FIG4: variants seen among roughly 807,000 people sequenced by gnomAD.
FIG4 encodes the protein polyphosphoinositide phosphatase.
FIG4 carries 112 observed loss-of-function variants against 118.6 expected under a neutral mutation model. The ratio of observed to expected loss-of-function variants is 0.94; its 90% CI spans 0.81 to 1.11. FIG4 has a LOEUF of 1.11. Among genes scored for constraint, FIG4 ranks in the 50% least tolerant of loss-of-function variants. The pLI, the probability that FIG4 is intolerant of heterozygous loss-of-function variation, is 0.00. For missense variants in FIG4, 969 were observed against 1,111.7 expected (o/e 0.87, Z 1.83); for synonymous variants, 369 against 381.2 (o/e 0.97, Z 0.37).
intron 1 of FIG4, among the ~76,000 whole-genome samples, chr6:109,699,902 G>A (rs180979386): frequency 4.7e-4 from 71 of 152,266 alleles, no homozygotes; most frequent in Non-Finnish European, 8.7e-4. Flanking sequence ...CAGTTTGGAG[G>A]CTGGTAAGTC....
chr6:109,693,761 G>A (rs1196269496), intron 1 of FIG4, among the ~76,000 whole-genome samples: 1 of 152,158 alleles, frequency 6.6e-6, no homozygotes, highest in African/African-American at 2.4e-5. Context: ...TGATTTAGCT[G>A]TGGAATCAGG....
Position 109,698,153 on chromosome 6 carries a change from G to C in FIG4, c.66+6652G>C, listed in dbSNP as rs1323382592. Among the ~76,000 whole-genome samples the C allele has an allele frequency of 7.9e-5, 12 of 151,408 alleles. 1 individual carries two copies. The highest frequency in any genetic ancestry group is 1.5e-4 in the Non-Finnish European group (10 of 67,942). On this transcript the variant is annotated intron_variant, in intron 1 of 22. Transcript: ENST00000230124. ...TCCGCCCGCCTCAGCCTCCCAAAGT[G>C]CTGGGATTACAGGCTTGAGCCACCG...
intron 6 of FIG4, among the ~76,000 whole-genome samples, chr6:109,738,100 CTTT>C (rs1474239325): frequency 1.3e-5 from 2 of 152,082 alleles, no homozygotes. Flanking sequence ...ATTTCTTTGA[CTTT>C]TTACAGAATC....
chr6:109,777,103 T>G, intron 16 of FIG4, 43 bp downstream of exon 16: 3 of 1,511,632 alleles, frequency 2.0e-6, no homozygotes, highest in Non-Finnish European at 2.8e-6. Flanking sequence ...CCATTTGGTG[T>G]TATTTTGAAT....
In FIG4 at chr6:109,707,883, T is replaced by C. The variant is rs908596556; in HGVS notation, c.67-7195T>C. The stretch of plus-strand genomic sequence containing the variant: ...TTTATTTTTGCTAATGAAGTACTTA[T>C]TTTTTAGATATAATTTTAGAATAAT... On this transcript the variant is annotated intron_variant, in intron 1 of 22. Transcript: ENST00000230124. 3.9e-5 allele frequency among the ~76,000 whole-genome samples: 6 copies of C among 152,308 alleles called. 1 individual carries two copies.
At chr6:109,703,618 T>A (rs114440635) in intron 1 of FIG4, among the ~76,000 whole-genome samples, 3,182 of 152,242 alleles carry the variant, frequency 0.021, 98 homozygotes, top group African/African-American at 0.074. Flanking sequence ...GGACCAGAGG[T>A]GTCCACTCCT....
chr6:109,741,497 A>G lies in FIG4; in HGVS notation c.829A>G (p.Ser277Gly). 1 of 1,613,480 alleles carries G rather than the reference A, an allele frequency of 6.2e-7. No homozygotes were observed. The highest frequency in any genetic ancestry group is 2.2e-5 in the East Asian group (1 of 44,844). Reference protein sequence around the residue: ...VYVTLIARRSSKFAGTRFLKR... With the variant: ...VYVTLIARRSGKFAGTRFLKR... ...TGTCACTCTAATAGCTAGAAGATCC[A>G]GTAAATTTGCTGGCACCCGTTTTCT... The change falls in exon 8 of 23, where the codon AGT (serine) becomes GGT (glycine). Residue 277 changes from serine (S) to glycine (G), a missense_variant. Coordinates refer to ENST00000230124, the MANE Select transcript of FIG4 (RefSeq NM_014845.6).
intron 22 of FIG4, among the ~76,000 whole-genome samples, chr6:109,809,176 C>T (rs919813046): frequency 2.0e-5 from 3 of 152,172 alleles, no homozygotes; most frequent in Non-Finnish European, 4.4e-5. Flanking sequence ...CCTTTTCTAA[C>T]CACTTATCTC....
chr6:109,732,702 A>G lies in FIG4; in HGVS notation c.497+15A>G. Reference sequence around the variant, plus strand: ...TTTTACTTTAGGTAAGTGTGAGGTTAGTTTTGCTCCTATCAATCACATAAA... The same window carrying G: ...TTTTACTTTAGGTAAGTGTGAGGTTGGTTTTGCTCCTATCAATCACATAAA... On this transcript the variant is annotated intron_variant, in intron 5 of 22. Transcript: ENST00000230124. The G allele has an allele frequency of 6.6e-7, 1 of 1,513,912 alleles. No individual in the cohort carries two copies. The highest frequency in any genetic ancestry group is 9.1e-7 in the Non-Finnish European group (1 of 1,097,038). The allele number at this position is 1,513,912 out of a possible 1,614,324, so 93.8% of individuals were successfully genotyped here.
chr6:109,760,445 GA>G, intron 11 of FIG4, 62 bp downstream of exon 11: 1 of 1,423,948 alleles, frequency 7.0e-7, no homozygotes, highest in Non-Finnish European at 9.9e-7. Flanking sequence ...GAAATAACAG[GA>G]AGCTGACCTC....
intron 15 of FIG4, among the ~76,000 whole-genome samples, chr6:109,776,584 G>C (rs1450214235): frequency 6.6e-6 from 1 of 152,032 alleles, no homozygotes; most frequent in Non-Finnish European, 1.5e-5. Flanking sequence ...AAATGGTGAG[G>C]ATATATTTTC....
intron 12 of FIG4, among the ~76,000 whole-genome samples, chr6:109,763,613 A>G (rs772430745): frequency 1.6e-4 from 24 of 152,232 alleles, no homozygotes; most frequent in Non-Finnish European, 2.6e-4. Flanking sequence ...ATTCATGTGT[A>G]TAGAGACCAA....
chr6:109,704,519 T>A (rs150632606), intron 1 of FIG4, among the ~76,000 whole-genome samples: 1 of 151,682 alleles, frequency 6.6e-6, no homozygotes, highest in East Asian at 1.9e-4. Context: ...ACAAAAAAAA[T>A]TAGCCACGTG....
chr6:109,746,730 T>C (rs1776511162), intron 10 of FIG4, among the ~76,000 whole-genome samples: 1 of 152,162 alleles, frequency 6.6e-6, no homozygotes, highest in Admixed American at 6.6e-5. Context: ...GTCAGATTTA[T>C]GTTTTGAAAA....
intron 1 of FIG4, among the ~76,000 whole-genome samples, chr6:109,707,543 A>G (rs2128379653): frequency 6.6e-6 from 1 of 151,732 alleles, no homozygotes; most frequent in African/African-American, 2.4e-5. Flanking sequence ...TTCATGTTGT[A>G]ATATACAGTA....
chr6:109,735,249 G>T lies in FIG4; in HGVS notation c.597G>T (p.Glu199Asp), dbSNP rs1284173119. The change falls in exon 6 of 23, where the codon GAG becomes GAT. Residue 199 changes from glutamate to aspartate, a missense_variant. This residue lies in a region of FIG4 where 393 missense variants were observed against 409.4 expected (regional missense o/e 0.96). Transcript: ENST00000230124. ...LKSEMTQNRQ[E>D]SFDIFEDEGL... ...CAGAAATGACCCAGAATCGCCAAGA[G>T]AGCTTTGACATCTTTGAAGATGAAG... 6.2e-7 allele frequency: 1 copy of T among 1,613,508 alleles called. No homozygotes were observed. Among genetic ancestry groups the T allele is most frequent in the Non-Finnish European group, 8.5e-7 (1 of 1,179,678 alleles).
chr6:109,777,171 T>G, intron 16 of FIG4, 111 bp downstream of exon 16: 2 of 947,846 alleles, frequency 2.1e-6, no homozygotes, highest in Non-Finnish European at 3.1e-6. Flanking sequence ...TTATTTTATT[T>G]TTTAAAATTT....
intron 1 of FIG4, among the ~76,000 whole-genome samples, chr6:109,695,413 A>T (rs907654418): frequency 6.6e-6 from 1 of 152,180 alleles, no homozygotes; most frequent in Non-Finnish European, 1.5e-5. Context: ...CCCATGTTTG[A>T]TGAGAGGAAT....
At chr6:109,822,561 A>T (rs1448776065) in intron 22 of FIG4, among the ~76,000 whole-genome samples, 1 of 152,028 alleles carries the variant, frequency 6.6e-6, no homozygotes, top group East Asian at 1.9e-4. Flanking sequence ...GTGTAAAAAA[A>T]CAGTCACATT....
Sources: gnomAD v4.1 joint callset for allele counts (sites outside exome capture counted in the v4.1 genomes callset) on GRCh38, gnomAD v4.1.1 for gene constraint, gnomAD v4.1.1 regional missense constraint, MANE v1.5 for transcripts, NCBI Gene and HGNC (gene_info 2026-07-23, HGNC 2026-07-21) for gene names.